The following AMACR variants were observed in gnomAD, a reference collection of about 807,000 sequenced individuals.
AMACR encodes 2-methylacyl-CoA racemase.
In AMACR, 18 loss-of-function variants were observed where a neutral mutation model predicts 22.2. That is an observed-to-expected ratio of 0.81 (90% CI 0.56 to 1.20). AMACR has a LOEUF of 1.20. Among genes scored for constraint, AMACR ranks in the 50% most tolerant of loss-of-function variants. The pLI is 0.00. For missense variants in AMACR, 499 were observed against 490.6 expected, an observed-to-expected ratio of 1.02 and a Z score of -0.16; for synonymous variants, 213 against 191.3, an observed-to-expected ratio of 1.11 and a Z score of -0.94.
intron 4 of AMACR, chr5:33,997,063 T>C (rs928951472): frequency 2.1e-5 from 15 of 728,760 alleles, no homozygotes; most frequent in Non-Finnish European, 3.8e-5. Flanking sequence ...ACCCAGCATG[T>C]CCTTAGGTTT....
chr5:34,007,620 A>G (rs1254100790), intron 1 of AMACR, among the ~76,000 whole-genome samples, 153 bp downstream of exon 1: 1 of 152,202 alleles, frequency 6.6e-6, no homozygotes, highest in Non-Finnish European at 1.5e-5. Context: ...ATCACTAACA[A>G]TACCCTAGGA....
chr5:34,007,728 C>T, intron 1 of AMACR, 45 bp downstream of exon 1: 4 of 1,512,044 alleles, frequency 2.6e-6, no homozygotes, highest in Non-Finnish European at 3.5e-6. Context: ...GGCCCCTCCC[C>T]TCCGCGGGAA....
chr5:33,998,173 T>C (rs951510299), intron 4 of AMACR, among the ~76,000 whole-genome samples: 1 of 152,246 alleles, frequency 6.6e-6, no homozygotes, highest in African/African-American at 2.4e-5. Context: ...TGCAAAGGCA[T>C]AGTGATATAG....
chr5:33,993,274 A>C (rs762812869), intron 4 of AMACR, among the ~76,000 whole-genome samples: 11 of 152,214 alleles, frequency 7.2e-5, no homozygotes, highest in Non-Finnish European at 1.6e-4. Flanking sequence ...TTTCAGGCTG[A>C]ATCACATTCC....
At chr5:33,992,682 C>G (rs1356895022) in intron 4 of AMACR, among the ~76,000 whole-genome samples, 1 of 152,104 alleles carries the variant, frequency 6.6e-6, no homozygotes, top group African/African-American at 2.4e-5. Flanking sequence ...TGCACTCAAG[C>G]CTAGGCAACA....
intron 4 of AMACR, among the ~76,000 whole-genome samples, chr5:33,992,074 T>G (rs978435533): frequency 1.1e-4 from 17 of 152,054 alleles, no homozygotes; most frequent in African/African-American, 3.9e-4. Context: ...AGAGATGGGG[T>G]TTCACTATGT....
At chr5:33,994,595 G>T (rs1286539187) in intron 4 of AMACR, among the ~76,000 whole-genome samples, 3 of 152,216 alleles carry the variant, frequency 2.0e-5, no homozygotes, top group Non-Finnish European at 4.4e-5. Flanking sequence ...GAAAGAGAAT[G>T]CTGAGGCATT....
intron 4 of AMACR, chr5:33,994,103 A>C: frequency 2.2e-6 from 1 of 455,670 alleles, no homozygotes; most frequent in South Asian, 1.6e-5. Context: ...ATACAGATTA[A>C]AGTATGGTAT....
intron 2 of AMACR, among the ~76,000 whole-genome samples, chr5:34,005,555 A>G (rs1257959044): frequency 6.6e-6 from 1 of 152,298 alleles, no homozygotes; most frequent in Non-Finnish European, 1.5e-5. Context: ...TTAACCTTCC[A>G]ACCTGTTAAG....
Position 33,988,654 on chromosome 5 carries a change from T to G in AMACR, c.*439A>C, listed in dbSNP as rs533094975. On this transcript the variant is annotated 3_prime_UTR_variant, in exon 5 of 5. Coordinates refer to ENST00000335606, the MANE Select transcript of AMACR (RefSeq NM_014324.6). ...TGAACACCAAGACAAAAGGCCTGGA[T>G]GCAACCAATCACTCTGTTTCACGTG... The G allele has an allele frequency of 2.4e-6, 3 of 1,252,522 alleles. No individual in the cohort carries two copies. The highest frequency in any genetic ancestry group is 7.5e-5 in the East Asian group (2 of 26,824). 77.6% of individuals were successfully genotyped at this position (1,252,522 alleles called of 1,614,324 possible).
intron 4 of AMACR, chr5:33,997,141 C>A: frequency 1.3e-6 from 1 of 748,782 alleles, no homozygotes; most frequent in Non-Finnish European, 2.5e-6. Context: ...TAAGGTTGAT[C>A]CATTTTGGGG....
At chr5:34,003,986 T>C (rs946755023) in intron 3 of AMACR, among the ~76,000 whole-genome samples, 8 of 152,216 alleles carry the variant, frequency 5.3e-5, no homozygotes. Flanking sequence ...GTATTCCAAA[T>C]GCAGTTTTGA....
rs1171535211 is a variant in AMACR at position 33,998,634 on chromosome 5, C to A, written c.739+7G>T. 7.5e-6 allele frequency: 12 copies of A among 1,601,626 alleles called. No homozygotes were observed. The highest frequency in any genetic ancestry group is 1.0e-5 in the Non-Finnish European group (12 of 1,172,500). ...GGAACTGGGGGAGACGCGTGAAGTT[C>A]ACTTACCTTTGATCAGCAGCTCGTA... On this transcript the variant is annotated splice_region_variant and intron_variant, in intron 4 of 4. Transcript: ENST00000335606.
Position 34,005,736 on chromosome 5 carries a change from TA to T in AMACR, c.391+19del. On this transcript the variant is annotated intron_variant, in intron 2 of 4. Transcript: ENST00000335606. ...GATGGAATAAATTAAAAGTGTAGAC[TA>T]AATTTTTTTTCAACATACCTGACAA... is the stretch of plus-strand genomic sequence containing the variant. The T allele has an allele frequency of 6.2e-7, 1 of 1,613,746 alleles. No homozygotes were observed. Among genetic ancestry groups the T allele is most frequent in the South Asian group, 1.1e-5 (1 of 91,080 alleles).
chr5:34,004,877 A>G, intron 2 of AMACR, 143 bp from the exon 3 acceptor site: 1 of 969,444 alleles, frequency 1.0e-6, no homozygotes, highest in Non-Finnish European at 1.5e-6. Flanking sequence ...TCCAAATCTG[A>G]GCTTAGTCAG....
intron 3 of AMACR, among the ~76,000 whole-genome samples, chr5:34,000,270 G>A (rs939761817): frequency 1.4e-4 from 21 of 152,134 alleles, no homozygotes; most frequent in East Asian, 5.8e-4. Flanking sequence ...GCCTAACGCC[G>A]AATCAATAGG....
intron 4 of AMACR, among the ~76,000 whole-genome samples, chr5:33,990,423 C>T (rs962180864): frequency 1.3e-5 from 2 of 152,204 alleles, no homozygotes; most frequent in African/African-American, 4.8e-5. Flanking sequence ...GAAAGGTGGC[C>T]TCTCTAGCTC....
At chr5:34,005,411 TCTAA>T (rs1425034904) in intron 2 of AMACR, among the ~76,000 whole-genome samples, 1 of 152,142 alleles carries the variant, frequency 6.6e-6, no homozygotes, top group East Asian at 1.9e-4. Context: ...GCTGTCAGAA[TCTAA>T]CTATGTCAAC....
At position 34,007,880 on chromosome 5, in the gene AMACR, C is replaced by A; in HGVS notation, c.140G>T (p.Gly47Val). The A allele has an allele frequency of 6.3e-7, 1 of 1,596,844 alleles. No individual in the cohort carries two copies. Among genetic ancestry groups the A allele is most frequent in the Admixed American group, 1.7e-5 (1 of 58,438 alleles). Residue 47 changes from glycine to valine, a missense_variant, in exon 1 of 5, where the codon GGC becomes GTC. Gly to Val is a moderately radical substitution (Grantham distance 109, BLOSUM62 -3). Transcript: ENST00000335606. ...CAGCACTAGCGAGCGCTTGCCCCGG[C>A]CCAAGCGGCTCACGTCGTAGCGGGA... The part of the protein sequence containing the change: ...PGSRYDVSRL[G>V]RGKRSLVLDL...
Sources: gnomAD v4.1 joint callset for allele counts (sites outside exome capture counted in the v4.1 genomes callset) on GRCh38, gnomAD v4.1.1 for gene constraint, MANE v1.5 for transcripts, NCBI Gene and HGNC (gene_info 2026-07-23, HGNC 2026-07-21) for gene names.